The following DDX4 variants were observed in gnomAD, a reference collection of about 807,000 sequenced individuals.
DDX4 encodes DEAD-box helicase 4.
In DDX4, 25 loss-of-function variants were observed where a neutral mutation model predicts 100.0. The observed-to-expected ratio is 0.25, with a 90% confidence interval of 0.18 to 0.35. The LOEUF is 0.35. Ranked by LOEUF, DDX4 falls within the 10% of genes least tolerant of loss-of-function variation. The pLI is 1.00. For synonymous variants in DDX4, 259 were observed against 275.7 expected, an observed-to-expected ratio of 0.94 and a Z score of 0.60; for missense variants, 635 against 882.4, an observed-to-expected ratio of 0.72 and a Z score of 3.55.
chr5:55,783,674 G>GATGGATGA (rs1212470241), intron 10 of DDX4, among the ~76,000 whole-genome samples: 3 of 108,872 alleles, frequency 2.8e-5, no homozygotes, highest in African/African-American at 1.0e-4. Context: ...TGGATGGATG[G>GATGGATGA]ATGAATGGAT....
At chr5:55,782,767 A>G (rs1161946871) in intron 10 of DDX4, among the ~76,000 whole-genome samples, 5 of 151,352 alleles carry the variant, frequency 3.3e-5, no homozygotes, top group African/African-American at 7.3e-5. Context: ...AGCTCAATAT[A>G]TAATTTTTTA....
chr5:55,781,053 T>C lies in DDX4; in HGVS notation c.497-13T>C. 1 of 1,590,270 alleles carries C rather than the reference T, an allele frequency of 6.3e-7. No individual in the cohort carries two copies. Among genetic ancestry groups the C allele is most frequent in the Non-Finnish European group, 8.5e-7 (1 of 1,173,358 alleles). ...AAAGTAATGTAATCTAATTTTACTT[T>C]CTGCAAATCAAGATAATGACTTAGA... On this transcript the variant is annotated splice_polypyrimidine_tract_variant and intron_variant, in intron 8 of 21. Coordinates refer to ENST00000505374, the MANE Select transcript of DDX4 (RefSeq NM_024415.3).
chr5:55,783,812 A>G (rs542155683), intron 10 of DDX4, among the ~76,000 whole-genome samples: 32 of 151,844 alleles, frequency 2.1e-4, no homozygotes, highest in South Asian at 4.2e-4. Context: ...AGTATTGTTC[A>G]ATTCAAGTCC....
chr5:55,763,695 A>C (rs1253477752), intron 5 of DDX4, among the ~76,000 whole-genome samples: 1 of 152,156 alleles, frequency 6.6e-6, no homozygotes, highest in Non-Finnish European at 1.5e-5. Flanking sequence ...GAGAATTTTG[A>C]TGGTTTTAAA....
At chr5:55,774,110 C>G (rs1329333636) in intron 7 of DDX4, among the ~76,000 whole-genome samples, 1 of 151,540 alleles carries the variant, frequency 6.6e-6, no homozygotes, top group Non-Finnish European at 1.5e-5. Context: ...TCATCAGCTA[C>G]CTGATTTGCA....
intron 7 of DDX4, among the ~76,000 whole-genome samples, chr5:55,774,128 AT>A (rs928698958): frequency 4.0e-5 from 6 of 148,776 alleles, no homozygotes; most frequent in South Asian, 2.1e-4. Context: ...GCAAATGTTT[AT>A]TTTTTTTTAA....
At chr5:55,779,238 C>T (rs186282799) in intron 7 of DDX4, among the ~76,000 whole-genome samples, 10 of 152,080 alleles carry the variant, frequency 6.6e-5, no homozygotes, top group Non-Finnish European at 1.5e-4. Flanking sequence ...CCAGAAGATA[C>T]AATTTTTTTG....
At chr5:55,766,261 TAAG>T (rs964516234) in intron 6 of DDX4, among the ~76,000 whole-genome samples, 52 of 152,224 alleles carry the variant, frequency 3.4e-4, no homozygotes, top group Non-Finnish European at 2.4e-4. Flanking sequence ...GTTTTATTCA[TAAG>T]AAGTTGCAAA....
chr5:55,786,076 C>G (rs1742227143), intron 13 of DDX4, among the ~76,000 whole-genome samples: 1 of 152,102 alleles, frequency 6.6e-6, no homozygotes, highest in Non-Finnish European at 1.5e-5. Context: ...ATCCCCACTC[C>G]CCATACCAGG....
At chr5:55,796,823 C>CTTTCTTTTTTTTTTTTTTTTTTTTTT (rs1742981166) in intron 17 of DDX4, among the ~76,000 whole-genome samples, 1 of 59,936 alleles carries the variant, frequency 1.7e-5, no homozygotes, top group Non-Finnish European at 3.2e-5. Flanking sequence ...TTCTTTCTTT[C>CTTTCTTTTTTTTTTTTTTTTTTTTTT]TTTTTTTTTT....
Position 55,760,254 on chromosome 5 carries a change from C to T in DDX4, c.182C>T (p.Ser61Phe), listed in dbSNP as rs1236610959. The change falls in exon 4 of 22, where the codon TCT becomes TTT. Residue 61 changes from serine to phenylalanine, a missense_variant. Around this residue, in one of 4 missense-constraint regions of DDX4, gnomAD observed 446 missense variants for 540.8 expected, o/e 0.82. Coordinates refer to ENST00000505374, the MANE Select transcript of DDX4 (RefSeq NM_024415.3). ...RDHFMKSGFA[S>F]GRNFGNRDAG... ...CATTTCATGAAAAGTGGATTTGCCT[C>T]TGGGCGGAATTTTGGAAACAGAGGT... 9.5e-6 allele frequency: 15 copies of T among 1,570,934 alleles called. No individual in the cohort carries two copies. The Admixed American group carries it at 2.8e-4, about 29-fold the overall frequency.
At chr5:55,810,851 G>GAATATTTGA (rs1744086077) in intron 18 of DDX4, among the ~76,000 whole-genome samples, 1 of 152,154 alleles carries the variant, frequency 6.6e-6, no homozygotes, top group African/African-American at 2.4e-5. Flanking sequence ...TTTGATTAGT[G>GAATATTTGA]TAGGATTCGT....
intron 7 of DDX4, among the ~76,000 whole-genome samples, chr5:55,769,677 A>G (rs1741136984): frequency 6.6e-6 from 1 of 152,158 alleles, no homozygotes; most frequent in African/African-American, 2.4e-5. Context: ...TAAAATTCAT[A>G]TGGAACCAAA....
intron 2 of DDX4, among the ~76,000 whole-genome samples, chr5:55,743,817 G>T (rs753486878): frequency 2.0e-4 from 30 of 151,284 alleles, no homozygotes; most frequent in Non-Finnish European, 4.3e-4. Context: ...TAAGTTGGAT[G>T]TATGTGGGAT....
chr5:55,801,570 A>G (rs1743309744), intron 18 of DDX4, among the ~76,000 whole-genome samples: 1 of 152,202 alleles, frequency 6.6e-6, no homozygotes, highest in South Asian at 2.1e-4. Context: ...AAATTCTTCC[A>G]TAATTTTTTC....
At chr5:55,793,163 T>TAGGATTTGGGAGAACTG (rs1164377099) in intron 17 of DDX4, among the ~76,000 whole-genome samples, 1 of 152,080 alleles carries the variant, frequency 6.6e-6, no homozygotes, top group Non-Finnish European at 1.5e-5. Flanking sequence ...CCTAAATCTA[T>TAGGATTTGGGAGAACTG]AGGATTTGGG....
intron 2 of DDX4, among the ~76,000 whole-genome samples, chr5:55,745,113 C>T (rs1580507157): frequency 6.6e-6 from 1 of 152,124 alleles, no homozygotes; most frequent in Non-Finnish European, 1.5e-5. Flanking sequence ...CTGCTGACCT[C>T]AGGTGATCTG....
At chr5:55,745,356 G>A (rs979237431) in intron 2 of DDX4, among the ~76,000 whole-genome samples, 1 of 152,152 alleles carries the variant, frequency 6.6e-6, no homozygotes, top group African/African-American at 2.4e-5. Flanking sequence ...ACAATAGTGT[G>A]TATTGACCAG....
intron 16 of DDX4, among the ~76,000 whole-genome samples, chr5:55,791,022 C>T (rs1042170182): frequency 3.9e-5 from 6 of 152,126 alleles, no homozygotes; most frequent in African/African-American, 9.7e-5. Flanking sequence ...CATCCCACTA[C>T]GCTGGGGGAA....
Sources: allele counts gnomAD v4.1 joint callset (sites outside exome capture counted in the v4.1 genomes callset), GRCh38; gene constraint gnomAD v4.1.1; regional missense constraint gnomAD v4.1.1; transcripts MANE v1.5; gene names NCBI Gene and HGNC (gene_info 2026-07-23, HGNC 2026-07-21).